LRRC28: variants seen among roughly 807,000 people sequenced by gnomAD.
The protein encoded by LRRC28 is leucine rich repeat containing 28.
Under a neutral mutation model 45.7 loss-of-function variants are expected in LRRC28, and 39 were observed. The ratio of observed to expected loss-of-function variants is 0.85; its 90% CI spans 0.66 to 1.12. LRRC28 has a LOEUF of 1.12. LRRC28 is among the 50% of genes most tolerant of loss of function. LRRC28 has a pLI of 0.00. For missense variants in LRRC28, 435 were observed against 438.5 expected, an observed-to-expected ratio of 0.99 and a Z score of 0.07; for synonymous variants, 206 against 178.8, an observed-to-expected ratio of 1.15 and a Z score of -1.22.
At chr15:99,302,249 G>A (rs1048810739) in intron 5 of LRRC28, among the ~76,000 whole-genome samples, 1 of 151,954 alleles carries the variant, frequency 6.6e-6, no homozygotes, top group Non-Finnish European at 1.5e-5. Flanking sequence ...GGATGGTCTC[G>A]ATCTCCTGAC....
At chr15:99,358,635 G>A (rs1189610093) in intron 7 of LRRC28, among the ~76,000 whole-genome samples, 2 of 152,006 alleles carry the variant, frequency 1.3e-5, no homozygotes, top group Admixed American at 6.6e-5. Flanking sequence ...AGTGTATTTG[G>A]GAACTTAATA....
At chr15:99,256,798 T>A (rs2081035507) in intron 2 of LRRC28, among the ~76,000 whole-genome samples, 1 of 152,232 alleles carries the variant, frequency 6.6e-6, no homozygotes, top group Non-Finnish European at 1.5e-5. Flanking sequence ...AACTAAAAGT[T>A]TTTCAAGAGA....
chr15:99,380,635 T>A (rs1325235712), intron 9 of LRRC28, among the ~76,000 whole-genome samples: 1 of 152,246 alleles, frequency 6.6e-6, no homozygotes, highest in African/African-American at 2.4e-5. Context: ...GCATCTATGG[T>A]CTTTACAATT....
At chr15:99,293,593 CAAAAAAAAAAAAAAAAAAAAA>C (rs57442636) in intron 5 of LRRC28, among the ~76,000 whole-genome samples, 706 of 44,122 alleles carry the variant, frequency 0.016, 36 homozygotes, top group African/African-American at 0.047. Flanking sequence ...AACTCTGTCA[CAAAAAAAAAAAAAAAAAAAAA>C]AAAAAAAAAA....
At chr15:99,358,636 G>A (rs1957112705) in intron 7 of LRRC28, among the ~76,000 whole-genome samples, 1 of 151,964 alleles carries the variant, frequency 6.6e-6, no homozygotes, top group South Asian at 2.1e-4. Flanking sequence ...GTGTATTTGG[G>A]AACTTAATAG....
rs555559442 is a variant in LRRC28 at position 99,279,193 on chromosome 15, G to C, written c.209+2577G>C. ...TCTGGCTGCATTAACATAGCATAATGTTTTCAAGGTTTATTCATGTTGTAG... is the reference window on the plus strand; with the variant it reads ...TCTGGCTGCATTAACATAGCATAATCTTTTCAAGGTTTATTCATGTTGTAG... On this transcript the variant is annotated intron_variant, in intron 3 of 9. Coordinates refer to ENST00000301981, the MANE Select transcript of LRRC28 (RefSeq NM_144598.5). Among the ~76,000 whole-genome samples the C allele has an allele frequency of 2.6e-5, 4 of 152,284 alleles. No homozygotes were observed. In the South Asian group the frequency reaches 8.3e-4, roughly 32 times the overall value.
chr15:99,296,090 G>A lies in LRRC28; in HGVS notation c.385+8139G>A, dbSNP rs569979156. On this transcript the variant is annotated intron_variant, in intron 5 of 9. Transcript: ENST00000301981. The stretch of plus-strand genomic sequence containing the variant: ...AGCCTGGTCCTCTAGGGCTTCTGCT[G>A]TTGCTTACTACCCTGTTGTTGAGAG... Among the ~76,000 whole-genome samples, 5 of 152,312 alleles carry A rather than the reference G, an allele frequency of 3.3e-5. No homozygotes were observed. In the South Asian group the frequency reaches 8.3e-4, roughly 25 times the overall value.
intron 5 of LRRC28, among the ~76,000 whole-genome samples, chr15:99,332,833 T>G (rs1956202497): frequency 6.6e-6 from 1 of 152,094 alleles, no homozygotes. Flanking sequence ...TTGTACAAAC[T>G]GGAATGTGCA....
At chr15:99,272,603 A>G (rs2081511219) in intron 2 of LRRC28, among the ~76,000 whole-genome samples, 1 of 152,234 alleles carries the variant, frequency 6.6e-6, no homozygotes, top group Admixed American at 6.5e-5. Flanking sequence ...ATGGTAAAGC[A>G]TCATTGATTC....
chr15:99,259,792 C>T (rs1192686483), intron 2 of LRRC28: 7 of 1,061,124 alleles, frequency 6.6e-6, no homozygotes, highest in East Asian at 4.7e-5. Context: ...AGCAGTGATT[C>T]GGTCAGGATG....
At chr15:99,303,701 G>T (rs1242479620) in intron 5 of LRRC28, among the ~76,000 whole-genome samples, 2 of 152,076 alleles carry the variant, frequency 1.3e-5, no homozygotes, top group African/African-American at 4.8e-5. Flanking sequence ...GGGCGTGGTG[G>T]TGCATGCCTG....
chr15:99,317,685 C>A (rs890512011), intron 5 of LRRC28: 3 of 151,838 alleles, frequency 2.0e-5, no homozygotes, highest in Non-Finnish European at 4.4e-5. Context: ...GCTAATCTGC[C>A]AGTTCAAATA....
intron 2 of LRRC28, among the ~76,000 whole-genome samples, chr15:99,267,651 G>A (rs1369237930): frequency 2.6e-5 from 4 of 152,198 alleles, no homozygotes; most frequent in African/African-American, 9.6e-5. Context: ...TAGTGTTTTA[G>A]TGTTTGTAAG....
intron 1 of LRRC28, 28 bp from the exon 2 acceptor site, chr15:99,255,870 T>C: frequency 2.1e-6 from 3 of 1,417,482 alleles, no homozygotes; most frequent in Non-Finnish European, 2.8e-6. Flanking sequence ...AATCTTACAA[T>C]GAATAAATTT....
chr15:99,334,089 G>A lies in LRRC28; in HGVS notation c.552G>A (p.Glu184=), dbSNP rs1220904737. 1.2e-6 allele frequency: 2 copies of A among 1,614,118 alleles called. No homozygotes were observed. Among genetic ancestry groups the A allele is most frequent in the East Asian group, 2.2e-5 (1 of 44,874 alleles). Residue 184 remains glutamate, a synonymous_variant, in exon 6 of 10, where the codon GAG becomes GAA. Coordinates refer to ENST00000301981, the MANE Select transcript of LRRC28 (RefSeq NM_144598.5). ...TCTGCCAGCTGCCCAGCCTCAATGA[G>A]CTCTCCATGGCTGGAAACCGTCTTG... ...RHLCQLPSLN[E]LSMAGNRLAF... is the part of the protein sequence containing the mutation.
rs927506447 is a variant in LRRC28, at chr15:99,349,286, C to G, written c.593-3083C>G. Among the ~76,000 whole-genome samples, 3 of 151,904 alleles carry G rather than the reference C, an allele frequency of 2.0e-5. No individual in the cohort carries two copies. In the East Asian group the frequency reaches 5.8e-4, roughly 29 times the overall value. On this transcript the variant is annotated intron_variant, in intron 6 of 9. Transcript: ENST00000301981. ...TTTATAATTGTTTTTATCTTCTAGT[C>G]TTAGAGATCTTTTTTTGGTGTACTG...
At chr15:99,351,505 C>G (rs1304360636) in intron 6 of LRRC28, among the ~76,000 whole-genome samples, 1 of 152,162 alleles carries the variant, frequency 6.6e-6, no homozygotes, top group Non-Finnish European at 1.5e-5. Context: ...CCAGCTCCTG[C>G]TCTCTGGCCC....
intron 3 of LRRC28, among the ~76,000 whole-genome samples, chr15:99,283,615 CAAAAAA>C (rs59399248): frequency 3.9e-4 from 35 of 89,838 alleles, no homozygotes; most frequent in Admixed American, 1.0e-3. Flanking sequence ...GACTCCTTCT[CAAAAAA>C]AAAAAAAAAA....
intron 6 of LRRC28, among the ~76,000 whole-genome samples, chr15:99,341,029 C>T (rs777142478): frequency 1.4e-4 from 20 of 147,306 alleles, no homozygotes; most frequent in Middle Eastern, 3.3e-3. Context: ...GTATTTGTAA[C>T]AAAAACTCTT....
Sources: allele counts gnomAD v4.1 joint callset (sites outside exome capture counted in the v4.1 genomes callset), GRCh38; gene constraint gnomAD v4.1.1; transcripts MANE v1.5; gene names NCBI Gene and HGNC (gene_info 2026-07-23, HGNC 2026-07-21).